PHF12: variants seen among roughly 807,000 people sequenced by gnomAD.
The protein encoded by PHF12 is PHD factor 1.
Under a neutral mutation model 99.8 loss-of-function variants are expected in PHF12, and 6 were observed. That is an observed-to-expected ratio of 0.06 (90% CI 0.03 to 0.12). The LOEUF is 0.12. PHF12 is among the 10% of genes least tolerant of loss of function. The pLI is 1.00. For missense variants in PHF12, 954 were observed against 1,300.1 expected, an observed-to-expected ratio of 0.73 and a Z score of 4.09; for synonymous variants, 480 against 514.9, an observed-to-expected ratio of 0.93 and a Z score of 0.92.
intron 12 of PHF12, chr17:28,907,875 C>T (rs1245111181): frequency 4.2e-6 from 2 of 478,556 alleles, no homozygotes; most frequent in Non-Finnish European, 7.7e-6. Flanking sequence ...AACAGCTGTC[C>T]CTGCCAGCTG....
rs1267388193 is a variant in PHF12, at chr17:28,921,680, G to C, written c.836+8C>G. On this transcript the variant is annotated splice_region_variant and intron_variant, in intron 5 of 14. Transcript: ENST00000332830. ...TGAGAAAGAGCCCCTTAGTATGAAA[G>C]AAAATACCTGTTACACGTGAAGCAG... 1.9e-6 allele frequency: 3 copies of C among 1,613,730 alleles called. No individual in the cohort carries two copies. In the East Asian group the frequency reaches 6.7e-5, roughly 36 times the overall value.
intron 4 of PHF12, among the ~76,000 whole-genome samples, chr17:28,922,962 C>T (rs887081879): frequency 6.6e-6 from 1 of 151,886 alleles, no homozygotes; most frequent in Admixed American, 6.6e-5. Flanking sequence ...CAACTGTGGT[C>T]CCAGCTACTT....
At chr17:28,911,676 A>C (rs1185788876) in intron 9 of PHF12, among the ~76,000 whole-genome samples, 3 of 152,192 alleles carry the variant, frequency 2.0e-5, no homozygotes, top group African/African-American at 7.2e-5. Context: ...CCATCCTGGG[A>C]CCAGGGGCTC....
At position 28,910,347 on chromosome 17, in the gene PHF12, G is replaced by A. The variant is rs149523818; in HGVS notation, c.2238C>T (p.Asp746=). Residue 746 remains aspartate, a synonymous_variant, in exon 11 of 15, where the codon GAC becomes GAT. Coordinates refer to ENST00000332830, the MANE Select transcript of PHF12 (RefSeq NM_001033561.2). ...VNGEIEINML[D]EKLIKFLALQ... is the part of the protein sequence containing the mutation. Reference sequence around the variant, plus strand: ...AGGCCAGAAACTTGATCAGCTTCTCGTCCAGCATATTTATCTCGATTTCTA... The same window carrying A: ...AGGCCAGAAACTTGATCAGCTTCTCATCCAGCATATTTATCTCGATTTCTA... 2.4e-5 allele frequency: 39 copies of A among 1,613,122 alleles called. No individual in the cohort carries two copies. In the African/African-American group the frequency reaches 3.9e-4, roughly 16 times the overall value.
At position 28,950,696 on chromosome 17, in the gene PHF12, T is replaced by G; in HGVS notation, c.66+199A>C. The stretch of plus-strand genomic sequence containing the variant: ...GGGAGAGCGAATCGAGGGCGGCGGG[T>G]AGGTGAAACTGCTGCAAACGTCCTC... On this transcript the variant is annotated intron_variant, in intron 1 of 14. Coordinates refer to ENST00000332830, the MANE Select transcript of PHF12 (RefSeq NM_001033561.2). This position sits in a 1 kb window ranked among gnomAD's most constrained non-coding sequence, Gnocchi z 5.7. The G allele has an allele frequency of 2.9e-6, 2 of 683,958 alleles. No homozygotes were observed. Among genetic ancestry groups the G allele is most frequent in the Non-Finnish European group, 4.4e-6 (2 of 452,788 alleles). 42.4% of individuals were successfully genotyped at this position (683,958 alleles called of 1,614,324 possible).
intron 6 of PHF12, among the ~76,000 whole-genome samples, chr17:28,918,804 T>G (rs1266119490): frequency 6.6e-6 from 1 of 152,240 alleles, no homozygotes; most frequent in African/African-American, 2.4e-5. Flanking sequence ...CTGGGACACA[T>G]GTACCCCAGA....
chr17:28,906,025 T>TA lies in PHF12; in HGVS notation c.*157dup. On this transcript the variant is annotated 3_prime_UTR_variant, in exon 15 of 15. Transcript: ENST00000332830. The surrounding 1 kb of genome is among the most constrained non-coding windows in gnomAD (Gnocchi z 4.2). The stretch of plus-strand genomic sequence containing the variant: ...AACTTGAGAAAAGAAAAAGGATTTT[T>TA]AAAAAACAGTCAAAAGGTTTTCTTC... The TA allele has an allele frequency of 1.3e-6, 1 of 754,540 alleles. No individual in the cohort carries two copies. Among genetic ancestry groups the TA allele is most frequent in the Non-Finnish European group, 2.0e-6 (1 of 498,388 alleles). The allele number at this position is 754,540 out of a possible 1,614,324, so 46.7% of individuals were successfully genotyped here. A position where few individuals can be genotyped will look rare whatever the true frequency, so the allele number is the denominator to read the frequency against.
chr17:28,934,418 T>A (rs893466826), intron 2 of PHF12, among the ~76,000 whole-genome samples: 8 of 152,072 alleles, frequency 5.3e-5, no homozygotes, highest in African/African-American at 1.9e-4. Context: ...TTAAAGACAG[T>A]GAAGTTAAGG....
At chr17:28,930,256 C>T (rs995579241) in intron 2 of PHF12, among the ~76,000 whole-genome samples, 4 of 152,180 alleles carry the variant, frequency 2.6e-5, no homozygotes, top group Non-Finnish European at 5.9e-5. Context: ...GTATTCTTTC[C>T]AGGAAGCTTT....
chr17:28,935,746 A>G (rs1369493900), intron 2 of PHF12, among the ~76,000 whole-genome samples: 1 of 152,196 alleles, frequency 6.6e-6, no homozygotes, highest in Admixed American at 6.5e-5. Context: ...GTTAAGAGTA[A>G]TATTAACATA....
chr17:28,918,540 A>G (rs1471023504), intron 6 of PHF12, among the ~76,000 whole-genome samples: 2 of 152,270 alleles, frequency 1.3e-5, no homozygotes, highest in Non-Finnish European at 2.9e-5. Context: ...TGTCTTAAGC[A>G]GTAGCCTTTT....
intron 3 of PHF12, chr17:28,926,390 G>A (rs1298684777): frequency 4.5e-6 from 1 of 222,728 alleles, no homozygotes; most frequent in Non-Finnish European, 9.2e-6. Flanking sequence ...TGAGGGTTGG[G>A]TCAATCATAA....
At position 28,926,591 on chromosome 17, in the gene PHF12, G is replaced by A. The variant is rs757047209; in HGVS notation, c.321+400C>T. 1.3e-4 allele frequency: 49 copies of A among 369,774 alleles called. 1 individual carries two copies. The highest frequency in any genetic ancestry group is 8.2e-4 in the South Asian group (38 of 46,204). The allele number at this position is 369,774 out of a possible 1,614,324, so 22.9% of individuals were successfully genotyped here. A position where few individuals can be genotyped will look rare whatever the true frequency, so the allele number is the denominator to read the frequency against. On this transcript the variant is annotated intron_variant, in intron 3 of 14. Transcript: ENST00000332830. ...TACAAATGCGTTCAAAATCCTCTCCGTCAGTATGCCAAGTCTCTGGATACC... is the reference window on the plus strand; with the variant it reads ...TACAAATGCGTTCAAAATCCTCTCCATCAGTATGCCAAGTCTCTGGATACC...
At chr17:28,922,892 C>T (rs938380193) in intron 4 of PHF12, among the ~76,000 whole-genome samples, 2 of 151,992 alleles carry the variant, frequency 1.3e-5, no homozygotes, top group Non-Finnish European at 2.9e-5. Flanking sequence ...CCAGCCCTGG[C>T]AACATAGTGA....
At chr17:28,943,636 T>TAAAC (rs34269306) in intron 2 of PHF12, among the ~76,000 whole-genome samples, 23,057 of 151,464 alleles carry the variant, frequency 0.15, 1,932 homozygotes, top group South Asian at 0.25. Flanking sequence ...TCTCAAAAAA[T>TAAAC]AAACAAACAA....
Position 28,913,086 on chromosome 17 carries a change from G to A in PHF12, c.1485C>T (p.Ser495=), listed in dbSNP as rs2039996244. The change falls in exon 9 of 15, where the codon TCC becomes TCT. Residue 495 remains serine (S), a synonymous_variant. Transcript: ENST00000332830. ...TCTGGGTGCTAATCCCTGAGGGGCA[G>A]GACAAGGGGTAGTGGGAAGGTGTAG... ...KTPTPSHYPL[S]CPSGISTQNS... The A allele has an allele frequency of 1.2e-6, 2 of 1,614,088 alleles. No individual in the cohort carries two copies. Among genetic ancestry groups the A allele is most frequent in the South Asian group, 1.1e-5 (1 of 91,094 alleles).
intron 6 of PHF12, among the ~76,000 whole-genome samples, chr17:28,918,823 G>A (rs1310291631): frequency 6.6e-6 from 1 of 152,170 alleles, no homozygotes; most frequent in African/African-American, 2.4e-5. Flanking sequence ...GACAGCCAAC[G>A]ATTTATTTCC....
Position 28,945,753 on chromosome 17 carries a change from G to T in PHF12, c.248+4312C>A, listed in dbSNP as rs549867240. On this transcript the variant is annotated intron_variant, in intron 2 of 14. Transcript: ENST00000332830. ...TATTCTAATTTTTAACAGATTTTTTGGGATCAGTCCAGAGACCTTTCAGAA... is the reference window on the plus strand; with the variant it reads ...TATTCTAATTTTTAACAGATTTTTTTGGATCAGTCCAGAGACCTTTCAGAA... Among the ~76,000 whole-genome samples, 3 of 152,236 alleles carry T rather than the reference G, an allele frequency of 2.0e-5. No homozygotes were observed. In the East Asian group the frequency reaches 5.8e-4, roughly 29 times the overall value.
Position 28,951,186 on chromosome 17 carries a change from G to C in PHF12, c.-226C>G, listed in dbSNP as rs2040805344. ...GGGAGCGGCCCCTCAGTCCCGGCCC[G>C]GCTGCTGGCTGCACAGTGGGTCCCG... On this transcript the variant is annotated 5_prime_UTR_variant, in exon 1 of 15. Transcript: ENST00000332830. 7.1e-7 allele frequency: 1 copy of C among 1,406,570 alleles called. No homozygotes were observed. Among genetic ancestry groups the C allele is most frequent in the Non-Finnish European group, 9.2e-7 (1 of 1,084,466 alleles). 87.1% of individuals were successfully genotyped at this position (1,406,570 alleles called of 1,614,324 possible). A position where few individuals can be genotyped will look rare whatever the true frequency, so the allele number is the denominator to read the frequency against.
Sources: gnomAD v4.1 joint callset for allele counts (sites outside exome capture counted in the v4.1 genomes callset) on GRCh38, gnomAD v4.1.1 for gene constraint, Gnocchi (gnomAD v3.1) non-coding constraint, MANE v1.5 for transcripts, NCBI Gene and HGNC (gene_info 2026-07-23, HGNC 2026-07-21) for gene names.